Variants in KANSL1 observed in about 807,000 individuals in gnomAD.
The protein encoded by KANSL1 is MLL1/MLL complex subunit KANSL1.
KANSL1 carries 22 observed loss-of-function variants against 103.6 expected under a neutral mutation model. The ratio of observed to expected loss-of-function variants is 0.21; its 90% CI spans 0.15 to 0.30. KANSL1 has a LOEUF of 0.30. KANSL1 is among the 10% of genes least tolerant of loss of function. The pLI, the probability that KANSL1 is intolerant of heterozygous loss-of-function variation, is 1.00. For missense variants in KANSL1, 1,337 were observed against 1,399.8 expected (o/e 0.96, Z 0.72); for synonymous variants, 600 against 527.6 (o/e 1.14, Z -1.88).
At chr17:46,196,641 A>C (rs1017164007), upstream of KANSL1, 5 of 316,774 alleles carry the variant, frequency 1.6e-5, no homozygotes, top group Non-Finnish European at 3.1e-5. Flanking sequence ...GCCACATTAC[A>C]ACAATGTAAC....
In KANSL1 at chr17:46,062,114, C is replaced by CAAA. The variant is rs1192815524; in HGVS notation, c.1848+4420_1848+4422dup. ...CTCAAAAAAAAAAAAAAAAAACAAACAAACAAAAAAAAAAAAAAAACATGT... is the reference window on the plus strand; with the variant it reads ...CTCAAAAAAAAAAAAAAAAAACAAACAAAAAACAAAAAAAAAAAAAAAACATGT... On this transcript the variant is annotated intron_variant, in intron 6 of 14. Transcript: ENST00000432791. 6.4e-3 allele frequency among the ~76,000 whole-genome samples: 238 copies of CAAA among 37,040 alleles called. 7 individuals are homozygous for CAAA. Among genetic ancestry groups the CAAA allele is most frequent in the Non-Finnish European group, 9.7e-3 (154 of 15,864 alleles). The allele number at this position is 37,040 out of a possible 152,430, so 24.3% of individuals were successfully genotyped here.
At chr17:46,077,129 G>A (rs949253747) in intron 4 of KANSL1, among the ~76,000 whole-genome samples, 4 of 152,184 alleles carry the variant, frequency 2.6e-5, no homozygotes, top group South Asian at 2.1e-4. Flanking sequence ...TCAGCTCAGT[G>A]CAACCTCCAC....
chr17:46,055,972 A>T (rs1054250797), intron 6 of KANSL1, among the ~76,000 whole-genome samples: 1 of 152,202 alleles, frequency 6.6e-6, no homozygotes. Flanking sequence ...ACCAAAATTA[A>T]TTCTAAATAA....
At position 46,082,319 on chromosome 17, in the gene KANSL1, A is replaced by G. The variant is rs543087772; in HGVS notation, c.1533+122T>C. On this transcript the variant is annotated intron_variant, in intron 4 of 14. Transcript: ENST00000432791. ...AGATCTTAAAACACCAAAAGTGATA[A>G]AAGTAGATACAGTTCCCCTTCTTCA... 55 of 600,484 alleles carry G rather than the reference A, an allele frequency of 9.2e-5. No individual in the cohort carries two copies. The African/African-American group carries it at 1.0e-3, about 11-fold the overall frequency. The allele number at this position is 600,484 out of a possible 1,614,324, so 37.2% of individuals were successfully genotyped here.
At chr17:46,036,856 C>T (rs1326862566) in intron 10 of KANSL1, among the ~76,000 whole-genome samples, 2 of 152,082 alleles carry the variant, frequency 1.3e-5, no homozygotes, top group African/African-American at 4.8e-5. Flanking sequence ...GAACTATAGG[C>T]ACATGCCACC....
At chr17:46,083,198 G>A (rs1185504421) in intron 3 of KANSL1, among the ~76,000 whole-genome samples, 5 of 152,014 alleles carry the variant, frequency 3.3e-5, no homozygotes, top group Non-Finnish European at 1.5e-5. Flanking sequence ...CCTCCCCATT[G>A]TACATATAAT....
At chr17:46,170,757 A>C in intron 2 of KANSL1, 98 bp downstream of exon 2, 1 of 1,313,968 alleles carries the variant, frequency 7.6e-7, no homozygotes, top group Non-Finnish European at 1.0e-6. Flanking sequence ...CTAGACACCT[A>C]TGTACAAAGA....
In KANSL1 at chr17:46,214,514, C is replaced by T. The variant is rs369498037; in HGVS notation, c.-90+9157G>A. Reference sequence around the variant, plus strand: ...ACTAAAAATACAAAAATTAGCTGGGCGTGGTGGCAGGCACCTGTAATCCCA... The same window carrying T: ...ACTAAAAATACAAAAATTAGCTGGGTGTGGTGGCAGGCACCTGTAATCCCA... On this transcript the variant is annotated intron_variant, in intron 1 of 14. Coordinates refer to the KANSL1 transcript ENST00000572904. 1.7e-4 allele frequency among the ~76,000 whole-genome samples: 26 copies of T among 152,288 alleles called. No individual in the cohort carries two copies. The East Asian group carries it at 4.4e-3, about 26-fold the overall frequency.
chr17:46,032,271 T>C lies in KANSL1; in HGVS notation c.2866A>G (p.Thr956Ala), dbSNP rs1444873707. The C allele has an allele frequency of 5.9e-6, 9 of 1,530,086 alleles. No homozygotes were observed. Among genetic ancestry groups the C allele is most frequent in the African/African-American group, 1.4e-5 (1 of 72,278 alleles). The allele number at this position is 1,530,086 out of a possible 1,614,324, so 94.8% of individuals were successfully genotyped here. Reference protein sequence around the residue: ...RSYRSSDGRTTPQLGSANPST... With the variant: ...RSYRSSDGRTAPQLGSANPST... ...GGGTTGGCACTGCCCAGCTGGGGGG[T>C]TGTCCGGCCGTCTGATGACCTGTAG... is the stretch of plus-strand genomic sequence containing the variant. Residue 956 changes from threonine (T) to alanine (A), a missense_variant, in exon 14 of 15, where the codon ACC becomes GCC. Transcript: ENST00000432791.
intron 6 of KANSL1, among the ~76,000 whole-genome samples, chr17:46,064,387 C>T (rs2078297910): frequency 6.6e-6 from 1 of 152,148 alleles, no homozygotes; most frequent in East Asian, 1.9e-4. Context: ...AAGAAAAATT[C>T]CCATTCTCTG....
At chr17:46,124,687 A>C (rs998996315) in intron 2 of KANSL1, among the ~76,000 whole-genome samples, 1 of 152,146 alleles carries the variant, frequency 6.6e-6, no homozygotes, top group African/African-American at 2.4e-5. Context: ...CAAAATATCA[A>C]CCCCAACAGG....
chr17:46,067,762 C>T, intron 4 of KANSL1, 95 bp from the exon 5 acceptor site: 1 of 678,732 alleles, frequency 1.5e-6, no homozygotes, highest in East Asian at 2.6e-5. Context: ...GCACCTAAAA[C>T]TTCTGATGAT....
At chr17:46,175,096 C>A (rs1597883689) in intron 1 of KANSL1, among the ~76,000 whole-genome samples, 1 of 152,228 alleles carries the variant, frequency 6.6e-6, no homozygotes, top group Non-Finnish European at 1.5e-5. Context: ...AAGCACCCCC[C>A]TCCCTGCCCC....
chr17:46,042,213 A>G (rs929117302), intron 7 of KANSL1: 4 of 152,178 alleles, frequency 2.6e-5, no homozygotes, highest in African/African-American at 7.2e-5. Context: ...CCTGTTTAAT[A>G]TATTTTCTAA....
chr17:46,130,222 G>A (rs528357801), intron 2 of KANSL1, among the ~76,000 whole-genome samples: 32 of 131,254 alleles, frequency 2.4e-4, no homozygotes, highest in African/African-American at 8.2e-4. Context: ...ATCAACTAGG[G>A]AGGCTTTTAA....
intron 2 of KANSL1, among the ~76,000 whole-genome samples, chr17:46,123,605 T>C (rs2043382295): frequency 6.6e-6 from 1 of 152,208 alleles, no homozygotes; most frequent in African/African-American, 2.4e-5. Context: ...TTTAGTGGTC[T>C]GTATAGATCA....
intron 1 of KANSL1, among the ~76,000 whole-genome samples, chr17:46,172,770 A>G (rs1014924557): frequency 2.6e-5 from 4 of 152,248 alleles, no homozygotes; most frequent in African/African-American, 7.2e-5. Flanking sequence ...TAACTGTACC[A>G]CATCTGTAAT....
At position 46,222,059 on chromosome 17, in the gene KANSL1, TAGA is replaced by T. The variant is rs902401075; in HGVS notation, c.-90+1609_-90+1611del. ...TTACCCCCCAAAATTGGTTTACACT[TAGA>T]AGATGTTTCCCACTGAGCAAAGGAT... On this transcript the variant is annotated intron_variant, in intron 1 of 14. Coordinates refer to the KANSL1 transcript ENST00000572904. 1.1e-4 allele frequency: 16 copies of T among 146,496 alleles called. 1 individual carries two copies. Among genetic ancestry groups the T allele is most frequent in the Non-Finnish European group, 2.0e-4 (13 of 64,368 alleles). 9.1% of individuals were successfully genotyped at this position (146,496 alleles called of 1,614,324 possible). A position where few individuals can be genotyped will look rare whatever the true frequency, so the allele number is the denominator to read the frequency against.
chr17:46,176,691 T>TAAAAAAAA (rs56676109), intron 1 of KANSL1, among the ~76,000 whole-genome samples: 1 of 141,666 alleles, frequency 7.1e-6, no homozygotes, highest in South Asian at 2.2e-4. Context: ...GACTCCATCT[T>TAAAAAAAA]AAAAAAAAAA....
Sources: gnomAD v4.1 joint callset for allele counts (sites outside exome capture counted in the v4.1 genomes callset) on GRCh38, gnomAD v4.1.1 for gene constraint, MANE v1.5 for transcripts, NCBI Gene and HGNC (gene_info 2026-07-23, HGNC 2026-07-21) for gene names.